Variants in KTN1 observed in about 807,000 individuals in gnomAD.
KTN1 encodes kinectin.
Under a neutral mutation model 222.5 loss-of-function variants are expected in KTN1, and 130 were observed. That is an observed-to-expected ratio of 0.58 (90% CI 0.51 to 0.68). The LOEUF (loss-of-function observed/expected upper bound fraction) is 0.68. Ranked by LOEUF, KTN1 falls within the 30% of genes least tolerant of loss-of-function variation. The probability of loss-of-function intolerance (pLI) is 0.00; values close to 1 mark genes in which losing one functional copy is unlikely to be tolerated. For missense variants in KTN1, 1,508 were observed against 1,500.4 expected (o/e 1.01, Z -0.08); for synonymous variants, 512 against 496.3 (o/e 1.03, Z -0.42).
chr14:55,651,067 G>A (rs1018278191), intron 24 of KTN1, among the ~76,000 whole-genome samples: 2 of 152,078 alleles, frequency 1.3e-5, no homozygotes, highest in African/African-American at 4.8e-5. Flanking sequence ...AAATTGATGA[G>A]TTTTGCTGAT....
intron 18 of KTN1, among the ~76,000 whole-genome samples, chr14:55,642,512 A>G (rs1445848106): frequency 2.0e-5 from 3 of 152,200 alleles, no homozygotes; most frequent in Non-Finnish European, 4.4e-5. Context: ...ATTACAATTT[A>G]TTAATAAAAC....
Position 55,621,273 on chromosome 14 carries a change from C to G in KTN1, c.963+1961C>G, listed in dbSNP as rs540135249. On this transcript the variant is annotated intron_variant, in intron 5 of 43. Transcript: ENST00000395314. ...AAGTTCTAAACTTTCCCACATCTTC[C>G]TGTCTTCTTCTGAGCCCTCCAAACT... Among the ~76,000 whole-genome samples, 147 of 144,204 alleles carry G rather than the reference C, an allele frequency of 1.0e-3. No homozygotes were observed. In the Middle Eastern group the frequency reaches 0.01, roughly 10 times the overall value. 94.6% of individuals were successfully genotyped at this position (144,204 alleles called of 152,430 possible).
At position 55,648,031 on chromosome 14, in the gene KTN1, AG is replaced by A; in HGVS notation, c.2215del (p.Glu739LysfsTer6). The A allele has an allele frequency of 6.8e-7, 1 of 1,459,930 alleles. No homozygotes were observed. The highest frequency in any genetic ancestry group is 9.2e-7 in the Non-Finnish European group (1 of 1,085,510). 90.4% of individuals were successfully genotyped at this position (1,459,930 alleles called of 1,614,324 possible). On this transcript the variant is annotated frameshift_variant, in exon 20 of 44. Coordinates refer to ENST00000395314, the MANE Select transcript of KTN1 (RefSeq NM_001079521.2). LOFTEE classifies it high-confidence loss of function. ...TACAAATTTATAATTTCAGCATTCA[AG>A]AAAAAGATGAGAAGTTAAAGACTGT... ...VVEQMEKCIQ[E>X]KDEKLKTVEE...
intron 1 of KTN1, among the ~76,000 whole-genome samples, chr14:55,582,633 G>GT (rs1186487833): frequency 1.3e-5 from 2 of 152,088 alleles, no homozygotes; most frequent in East Asian, 3.8e-4. Flanking sequence ...TGGAACATGT[G>GT]TTTTTAATTG....
rs555470008 is a variant in KTN1, at chr14:55,637,061, G to T, written c.1550-137G>T. 48 of 574,604 alleles carry T rather than the reference G, an allele frequency of 8.4e-5. No homozygotes were observed. In the African/African-American group the frequency reaches 8.5e-4, roughly 10 times the overall value. The allele number at this position is 574,604 out of a possible 1,614,324, so 35.6% of individuals were successfully genotyped here. ...CTCCCATGAAACGCAAGTATAGCCT[G>T]CTACAGGAGCATGCAAGAATGGAAG... On this transcript the variant is annotated intron_variant, in intron 10 of 43. Transcript: ENST00000395314.
intron 5 of KTN1, among the ~76,000 whole-genome samples, chr14:55,624,570 A>G (rs934036042): frequency 6.6e-6 from 1 of 152,206 alleles, no homozygotes; most frequent in African/African-American, 2.4e-5. Context: ...AAGAAAGGCT[A>G]CAATGGGAGT....
At chr14:55,668,799 G>T (rs1330184386) in intron 34 of KTN1, 1 of 152,128 alleles carries the variant, frequency 6.6e-6, no homozygotes, top group East Asian at 1.9e-4. Context: ...GGTGCTAGGG[G>T]TGGGGTAAGT....
chr14:55,616,385 T>C, intron 2 of KTN1, 132 bp from the exon 3 acceptor site: 2 of 707,226 alleles, frequency 2.8e-6, no homozygotes, highest in Non-Finnish European at 4.6e-6. Flanking sequence ...GAAAAAGTTA[T>C]TGGTGAGAGC....
chr14:55,625,897 A>G (rs1269512836), intron 5 of KTN1, among the ~76,000 whole-genome samples: 1 of 152,172 alleles, frequency 6.6e-6, no homozygotes, highest in African/African-American at 2.4e-5. Context: ...CTCTCACAAT[A>G]AAACATTCTT....
At chr14:55,628,129 A>G in intron 6 of KTN1, 101 bp downstream of exon 6, 1 of 713,170 alleles carries the variant, frequency 1.4e-6, no homozygotes, top group Non-Finnish European at 2.4e-6. Flanking sequence ...TTTGTAATTT[A>G]TGTCCAACAA....
At position 55,650,655 on chromosome 14, in the gene KTN1, A is replaced by G. The variant is rs2042846047; in HGVS notation, c.2565+18A>G. On this transcript the variant is annotated intron_variant, in intron 24 of 43. Coordinates refer to ENST00000395314, the MANE Select transcript of KTN1 (RefSeq NM_001079521.2). Reference sequence around the variant, plus strand: ...CTCAACAGGTAAAAATCCCAGAGCCATAGCATGACAGATTTATTAGTTGTG... The same window carrying G: ...CTCAACAGGTAAAAATCCCAGAGCCGTAGCATGACAGATTTATTAGTTGTG... 6.4e-7 allele frequency: 1 copy of G among 1,556,586 alleles called. No homozygotes were observed. The highest frequency in any genetic ancestry group is 1.8e-5 in the Admixed American group (1 of 56,750).
chr14:55,656,486 A>G (rs551281924), intron 29 of KTN1: 4 of 173,752 alleles, frequency 2.3e-5, no homozygotes, highest in South Asian at 3.0e-4. Context: ...TATTTTTGAG[A>G]CAGAGTCTTG....
rs1318522617 is a variant in KTN1 at position 55,678,369 on chromosome 14, G to T, written c.3873G>T (p.Glu1291Asp). 1 of 1,606,768 alleles carries T rather than the reference G, an allele frequency of 6.2e-7. No individual in the cohort carries two copies. Among genetic ancestry groups the T allele is most frequent in the Non-Finnish European group, 8.5e-7 (1 of 1,173,378 alleles). Residue 1291 changes from glutamate (E) to aspartate (D), a missense_variant, in exon 42 of 44, where the codon GAG becomes GAT. Transcript: ENST00000395314. The part of the protein sequence containing the change: ...GDLHKAQQSL[E>D]LIQSKIVKAA... ...CCTTATAGGCTCAACAGTCACTGGA[G>T]CTTATCCAGTCAAAAATAGTAAAAG...
At position 55,639,238 on chromosome 14, in the gene KTN1, C is replaced by T. The variant is rs771237699; in HGVS notation, c.1823+16C>T. ...TACATAAAGTGTAAGCCTACCTTTT[C>T]ACACTCTTATAATTGTGTAGTCACC... On this transcript the variant is annotated intron_variant, in intron 13 of 43. Coordinates refer to ENST00000395314, the MANE Select transcript of KTN1 (RefSeq NM_001079521.2). 9.5e-6 allele frequency: 15 copies of T among 1,582,536 alleles called. No individual in the cohort carries two copies. The highest frequency in any genetic ancestry group is 1.2e-5 in the Non-Finnish European group (14 of 1,152,384).
At chr14:55,620,139 T>C (rs1197091024) in intron 5 of KTN1, among the ~76,000 whole-genome samples, 1 of 152,200 alleles carries the variant, frequency 6.6e-6, no homozygotes, top group African/African-American at 2.4e-5. Context: ...AAAGCTCCAA[T>C]ATGATCTCCT....
intron 43 of KTN1, chr14:55,682,169 T>G (rs2046429303): frequency 6.6e-6 from 1 of 152,194 alleles, no homozygotes; most frequent in Admixed American, 6.5e-5. Flanking sequence ...TGATACATAG[T>G]ACTTAGCGTT....
intron 24 of KTN1, chr14:55,651,143 CAT>C (rs1279848776): frequency 3.8e-5 from 14 of 373,026 alleles, no homozygotes; most frequent in African/African-American, 3.0e-4. Context: ...TCATTCATCT[CAT>C]AGATTCATTC....
Position 55,672,997 on chromosome 14 carries a change from T to A in KTN1, c.3672T>A (p.Val1224=). 6.2e-7 allele frequency: 1 copy of A among 1,611,942 alleles called. No homozygotes were observed. Among genetic ancestry groups the A allele is most frequent in the Non-Finnish European group, 8.5e-7 (1 of 1,178,124 alleles). ...EKAEMERSTY[V]TEVRELKDLL... ...CAGAGATGGAACGATCTACCTATGT[T>A]ACAGAAGTCAGAGAGGTACTTACAA... The change falls in exon 39 of 44, where the codon GTT becomes GTA. Residue 1224 remains valine (V), a synonymous_variant. Transcript: ENST00000395314.
rs192691661 is a variant in KTN1 at position 55,667,158 on chromosome 14, A to G, written c.3178-83A>G. The G allele has an allele frequency of 1.1e-4, 93 of 864,136 alleles. No individual in the cohort carries two copies. The African/African-American group carries it at 1.5e-3, about 14-fold the overall frequency. The allele number at this position is 864,136 out of a possible 1,614,324, so 53.5% of individuals were successfully genotyped here. A position where few individuals can be genotyped will look rare whatever the true frequency, so the allele number is the denominator to read the frequency against. On this transcript the variant is annotated intron_variant, in intron 33 of 43. Transcript: ENST00000395314. ...AAACTTTTTCTTCCCGTAGAATTAT[A>G]AAACACTATAGTTTTTTTCTTTTCT...
Sources: allele counts gnomAD v4.1 joint callset (sites outside exome capture counted in the v4.1 genomes callset), GRCh38; gene constraint gnomAD v4.1.1; transcripts MANE v1.5; gene names NCBI Gene and HGNC (gene_info 2026-07-23, HGNC 2026-07-21).